Variants in STPG2 observed in about 807,000 individuals in gnomAD.
The protein encoded by STPG2 is sperm-tail PG-rich repeat-containing protein 2.
STPG2 carries 56 observed loss-of-function variants against 54.2 expected under a neutral mutation model. The observed-to-expected ratio is 1.03, with a 90% CI of 0.83 to 1.29. STPG2 has a LOEUF of 1.29. STPG2 is among the 50% of genes most tolerant of loss of function. The pLI is 0.00. For missense variants in STPG2, 596 were observed against 544.9 expected (o/e 1.09, Z -0.93); for synonymous variants, 200 against 181.8 (o/e 1.10, Z -0.81).
At position 97,972,332 on chromosome 4, in the gene STPG2, A is replaced by T. The variant is rs778845624; in HGVS notation, c.881T>A (p.Phe294Tyr). 5 of 1,609,906 alleles carry T rather than the reference A, an allele frequency of 3.1e-6. No individual in the cohort carries two copies. Among genetic ancestry groups the T allele is most frequent in the Non-Finnish European group, 4.2e-6 (5 of 1,177,942 alleles). ...SAFGSSVPRT[F>Y]FSVQKEACAT... ...ACAAGCTTCTTTCTGAACCGAGAAGAAAGTCCGAGGAACAGAAGAACCAAA... is the reference window on the plus strand; with the variant it reads ...ACAAGCTTCTTTCTGAACCGAGAAGTAAGTCCGAGGAACAGAAGAACCAAA... The change falls in exon 7 of 11, where the codon TTC becomes TAC. Residue 294 changes from phenylalanine to tyrosine, a missense_variant. Coordinates refer to ENST00000295268, the MANE Select transcript of STPG2 (RefSeq NM_174952.3).
At chr4:97,733,768 T>A (rs1724883051) in intron 9 of STPG2, among the ~76,000 whole-genome samples, 1 of 152,014 alleles carries the variant, frequency 6.6e-6, no homozygotes. Flanking sequence ...CCCAGCTCCC[T>A]CCCTCCTCTA....
intron 5 of STPG2, among the ~76,000 whole-genome samples, chr4:98,100,883 C>T (rs1381240860): frequency 6.6e-6 from 1 of 151,864 alleles, no homozygotes; most frequent in Non-Finnish European, 1.5e-5. Context: ...ACCATATTGG[C>T]CAGGCTGGTT....
chr4:97,801,423 AC>A (rs1399979336), intron 9 of STPG2, among the ~76,000 whole-genome samples: 1 of 151,964 alleles, frequency 6.6e-6, no homozygotes, highest in Non-Finnish European at 1.5e-5. Flanking sequence ...CCCTTCATCA[AC>A]CCTAATACTA....
intron 5 of STPG2, among the ~76,000 whole-genome samples, chr4:98,102,090 T>C (rs149319907): frequency 1.2e-3 from 182 of 152,302 alleles, no homozygotes; most frequent in African/African-American, 4.2e-3. Flanking sequence ...AACTATTTTA[T>C]TTATCTTATT....
At chr4:98,104,199 T>C (rs1739126064) in intron 5 of STPG2, among the ~76,000 whole-genome samples, 1 of 152,214 alleles carries the variant, frequency 6.6e-6, no homozygotes, top group Non-Finnish European at 1.5e-5. Context: ...AATGGTTCCA[T>C]GTCAAAATAA....
intron 9 of STPG2, among the ~76,000 whole-genome samples, chr4:97,792,664 T>G (rs1418042954): frequency 6.6e-6 from 1 of 151,370 alleles, no homozygotes; most frequent in African/African-American, 2.4e-5. Flanking sequence ...GCCTACCAAG[T>G]CATACAATAT....
rs752248254 is a variant in STPG2, at chr4:97,653,103, ATAGATAGATAGG to A, written c.1320+59584_1320+59595del. 2.2e-3 allele frequency among the ~76,000 whole-genome samples: 316 copies of A among 146,932 alleles called. 1 individual carries two copies. The highest frequency in any genetic ancestry group is 7.4e-3 in the African/African-American group (289 of 39,100). Reference sequence around the variant, plus strand: ...TAGATGATTGATAGATGATAGATAGATAGATAGATAGGTAGATAGATAGATAGATAGACAGAT... The same window carrying A: ...TAGATGATTGATAGATGATAGATAGATAGATAGATAGATAGATAGACAGAT... On this transcript the variant is annotated intron_variant, in intron 10 of 10. Transcript: ENST00000295268.
intron 10 of STPG2, among the ~76,000 whole-genome samples, chr4:97,687,334 T>C (rs1157401052): frequency 2.0e-5 from 3 of 149,166 alleles, no homozygotes; most frequent in Non-Finnish European, 4.5e-5. Context: ...TTTTTTTTTC[T>C]TTTTTTTGAG....
At chr4:97,466,851 G>C (rs1729799445) in intron 4 of STPG2, among the ~76,000 whole-genome samples, 1 of 151,916 alleles carries the variant, frequency 6.6e-6, no homozygotes, top group Admixed American at 6.6e-5. Context: ...TAGATTATTT[G>C]ATGTCATATA....
At chr4:97,796,406 G>A (rs1417145068) in intron 9 of STPG2, among the ~76,000 whole-genome samples, 1 of 152,126 alleles carries the variant, frequency 6.6e-6, no homozygotes, top group African/African-American at 2.4e-5. Context: ...TCCAGTTTCA[G>A]CTTTCTACAT....
chr4:98,062,994 C>T (rs1300577947), intron 5 of STPG2, among the ~76,000 whole-genome samples: 1 of 152,028 alleles, frequency 6.6e-6, no homozygotes, highest in African/African-American at 2.4e-5. Flanking sequence ...AAGTGATCCT[C>T]CCACCTCAGC....
At chr4:97,681,355 G>C (rs934927040) in intron 10 of STPG2, among the ~76,000 whole-genome samples, 3 of 151,798 alleles carry the variant, frequency 2.0e-5, no homozygotes, top group African/African-American at 7.2e-5. Context: ...GCTCTAGTTA[G>C]TACAAAACAA....
intron 10 of STPG2, among the ~76,000 whole-genome samples, chr4:97,615,221 T>C (rs924207899): frequency 1.3e-5 from 2 of 152,136 alleles, no homozygotes; most frequent in South Asian, 2.1e-4. Flanking sequence ...TCTTTTTTAA[T>C]GCCTCAAACT....
intron 9 of STPG2, among the ~76,000 whole-genome samples, chr4:97,797,580 T>A (rs1031466151): frequency 2.0e-5 from 3 of 152,358 alleles, no homozygotes; most frequent in African/African-American, 7.2e-5. Context: ...TGCTGCTGGA[T>A]TTGGTTAGCC....
At chr4:97,535,613 T>A (rs1731510928) in intron 4 of STPG2, among the ~76,000 whole-genome samples, 1 of 152,196 alleles carries the variant, frequency 6.6e-6, no homozygotes, top group African/African-American at 2.4e-5. Context: ...AGTTGATAGT[T>A]ACCTCTTTCT....
At position 97,666,548 on chromosome 4, in the gene STPG2, G is replaced by A. The variant is rs186995977; in HGVS notation, c.1320+46151C>T. On this transcript the variant is annotated intron_variant, in intron 10 of 10. Coordinates refer to ENST00000295268, the MANE Select transcript of STPG2 (RefSeq NM_174952.3). ...CACATATTTCTTGGCTTTTGTTTAT[G>A]AGTTTCAGAGACCCTGAGTTTCAAA... Among the ~76,000 whole-genome samples, 236 of 152,272 alleles carry A rather than the reference G, an allele frequency of 1.5e-3. 1 individual carries two copies. Among genetic ancestry groups the A allele is most frequent in the African/African-American group, 5.6e-3 (232 of 41,558 alleles).
chr4:97,532,489 C>T (rs1731436513), intron 4 of STPG2, among the ~76,000 whole-genome samples: 1 of 151,934 alleles, frequency 6.6e-6, no homozygotes, highest in African/African-American at 2.4e-5. Flanking sequence ...GTGGCATACA[C>T]AAGAAAATGA....
chr4:98,024,024 T>G (rs783920), intron 5 of STPG2, among the ~76,000 whole-genome samples: 130,458 of 151,898 alleles, frequency 0.86, 56,175 homozygotes, highest in Middle Eastern at 0.97. Flanking sequence ...TGCGCACAGT[T>G]CGCTGCACCC....
At chr4:97,787,432 A>C (rs1322309215) in intron 9 of STPG2, among the ~76,000 whole-genome samples, 1 of 151,964 alleles carries the variant, frequency 6.6e-6, no homozygotes, top group African/African-American at 2.4e-5. Flanking sequence ...AATTGCATTG[A>C]TTTATTTTCA....
Sources: gnomAD v4.1 joint callset for allele counts (sites outside exome capture counted in the v4.1 genomes callset) on GRCh38, gnomAD v4.1.1 for gene constraint, MANE v1.5 for transcripts, NCBI Gene and HGNC (gene_info 2026-07-23, HGNC 2026-07-21) for gene names.